Variants in POC1B observed in about 807,000 individuals in gnomAD.
The protein encoded by POC1B is POC1 centriolar protein B, also known as POC1 centriolar protein homolog B.
POC1B carries 44 observed loss-of-function variants against 60.6 expected under a neutral mutation model. That is an observed-to-expected ratio of 0.73 (90% CI 0.57 to 0.93). The LOEUF is 0.93. Ranked by LOEUF, POC1B falls within the 40% of genes least tolerant of loss-of-function variation. The pLI is 0.00. For synonymous variants in POC1B, 180 were observed against 198.9 expected (o/e 0.90, Z 0.80); for missense variants, 555 against 572.3 (o/e 0.97, Z 0.31).
intron 4 of POC1B, among the ~76,000 whole-genome samples, chr12:89,481,029 C>A (rs968649889): frequency 5.3e-5 from 8 of 151,046 alleles, no homozygotes; most frequent in African/African-American, 1.7e-4. Flanking sequence ...AGCCACCTGG[C>A]CCTAATTGTC....
In POC1B at chr12:89,509,908, C is replaced by A. The variant is rs1044001699; in HGVS notation, c.101-12566G>T. Among the ~76,000 whole-genome samples, 76 of 152,236 alleles carry A rather than the reference C, an allele frequency of 5.0e-4. 1 individual carries two copies. Among genetic ancestry groups the A allele is most frequent in the African/African-American group, 1.8e-3 (75 of 41,548 alleles). On this transcript the variant is annotated intron_variant, in intron 2 of 11. Coordinates refer to ENST00000313546, the MANE Select transcript of POC1B (RefSeq NM_172240.3). The stretch of plus-strand genomic sequence containing the variant: ...TTGCCCAGGCTGGAGTGCCGTGGGG[C>A]GATTTTGGCTCACTGCAACCTCTGC...
At chr12:89,503,287 G>GT (rs1304113371) in intron 2 of POC1B, among the ~76,000 whole-genome samples, 1 of 152,242 alleles carries the variant, frequency 6.6e-6, no homozygotes, top group Non-Finnish European at 1.5e-5. Context: ...ACTGGTTTTT[G>GT]TATTTTTTTG....
intron 4 of POC1B, among the ~76,000 whole-genome samples, chr12:89,474,491 CAT>C (rs1168217789): frequency 6.6e-6 from 1 of 152,204 alleles, no homozygotes; most frequent in Non-Finnish European, 1.5e-5. Flanking sequence ...TCCTTGAGCA[CAT>C]GTGTCCTAGA....
chr12:89,457,422 A>G (rs185514987), intron 10 of POC1B, among the ~76,000 whole-genome samples: 2 of 152,342 alleles, frequency 1.3e-5, no homozygotes, highest in East Asian at 1.9e-4. Context: ...CCCTTTGGAG[A>G]TATTCTTTTA....
At chr12:89,458,337 T>C (rs1256329331) in intron 10 of POC1B, among the ~76,000 whole-genome samples, 2 of 152,238 alleles carry the variant, frequency 1.3e-5, no homozygotes, top group South Asian at 2.1e-4. Context: ...CTGTGGCAAG[T>C]TGTAGACATC....
At chr12:89,524,838 C>T in intron 2 of POC1B, 1 of 618,404 alleles carries the variant, frequency 1.6e-6, no homozygotes, top group Non-Finnish European at 2.8e-6. Context: ...GGAGAAACCC[C>T]TCCCCTTCCC....
At chr12:89,521,559 G>T (rs747094009) in intron 2 of POC1B, 1 of 155,996 alleles carries the variant, frequency 6.4e-6, no homozygotes, top group Non-Finnish European at 1.4e-5. Context: ...AGAATATACT[G>T]TACAATCAGC....
At chr12:89,523,335 A>C (rs765050587) in intron 2 of POC1B, 1 of 1,614,044 alleles carries the variant, frequency 6.2e-7, no homozygotes, top group Middle Eastern at 1.6e-4. Flanking sequence ...TATCACCATA[A>C]GCTTCTTTTC....
At chr12:89,412,015 C>A in the POC1B span, among the ~76,000 whole-genome samples, 1 of 152,220 alleles carries the variant, frequency 6.6e-6, no homozygotes, top group African/African-American at 2.4e-5. Context: ...CCAGGCACTT[C>A]CCCTGACTTC....
chr12:89,410,573 G>A, the POC1B span, among the ~76,000 whole-genome samples: 2 of 152,012 alleles, frequency 1.3e-5, no homozygotes, highest in Non-Finnish European at 2.9e-5. Flanking sequence ...CCAGCTACTC[G>A]GGAGGCTGAG....
At chr12:89,448,261 G>A (rs1881876477) in intron 10 of POC1B, among the ~76,000 whole-genome samples, 1 of 151,980 alleles carries the variant, frequency 6.6e-6, no homozygotes, top group African/African-American at 2.4e-5. Context: ...ACAACATGGC[G>A]AGACCTCATC....
chr12:89,447,273 A>C (rs1364215485), intron 10 of POC1B, among the ~76,000 whole-genome samples: 1 of 152,170 alleles, frequency 6.6e-6, no homozygotes, highest in African/African-American at 2.4e-5. Flanking sequence ...TTCTCATGTG[A>C]TCTTTTGATA....
the POC1B span, among the ~76,000 whole-genome samples, chr12:89,407,485 G>A: frequency 2.0e-5 from 3 of 152,030 alleles, no homozygotes; most frequent in Admixed American, 6.6e-5. Context: ...TGATCCATGG[G>A]CCTCAGCCTC....
chr12:89,475,290 T>C (rs2135721979), intron 4 of POC1B, among the ~76,000 whole-genome samples: 1 of 152,112 alleles, frequency 6.6e-6, no homozygotes, highest in East Asian at 1.9e-4. Context: ...GCAAAATAAA[T>C]GAAGGGATGT....
rs146897847 is a variant in POC1B, at chr12:89,512,539, A to G, written c.100+12581T>C. Among the ~76,000 whole-genome samples the G allele has an allele frequency of 5.7e-3, 865 of 152,294 alleles. 10 individuals are homozygous for G. The highest frequency in any genetic ancestry group is 0.02 in the African/African-American group (826 of 41,560). ...TTCGAGAGGCCAAGGCAGAAGGACT[A>G]CGATAGGCTAGGAGTTCAAGACCAG... On this transcript the variant is annotated intron_variant, in intron 2 of 11. Coordinates refer to ENST00000313546, the MANE Select transcript of POC1B (RefSeq NM_172240.3).
intron 2 of POC1B, among the ~76,000 whole-genome samples, chr12:89,510,008 G>GT (rs1320102762): frequency 1.4e-5 from 1 of 73,600 alleles, no homozygotes; most frequent in East Asian, 4.7e-4. Context: ...ACCACACTCA[G>GT]TTAATTTTTT....
At position 89,420,761 on chromosome 12, in the gene POC1B, A is replaced by C. The variant is rs1880495790; in HGVS notation, c.*392T>G. ...ATTTTGGAGGTAAGTGAATTATTTCACCCCATGACTGTCTGAATATGGTCA... is the reference window on the plus strand; with the variant it reads ...ATTTTGGAGGTAAGTGAATTATTTCCCCCCATGACTGTCTGAATATGGTCA... On this transcript the variant is annotated 3_prime_UTR_variant, in exon 12 of 12. Coordinates refer to ENST00000313546, the MANE Select transcript of POC1B (RefSeq NM_172240.3). 6.2e-6 allele frequency: 1 copy of C among 161,570 alleles called. No homozygotes were observed. Among genetic ancestry groups the C allele is most frequent in the African/African-American group, 2.4e-5 (1 of 41,826 alleles). The allele number at this position is 161,570 out of a possible 1,614,324, so 10.0% of individuals were successfully genotyped here.
chr12:89,502,634 A>T (rs1869632363), intron 2 of POC1B: 4 of 1,324,280 alleles, frequency 3.0e-6, no homozygotes, highest in Non-Finnish European at 4.3e-6. Context: ...GGATCTTGTA[A>T]GGCCACAAGA....
At chr12:89,413,490 C>A in the POC1B span, among the ~76,000 whole-genome samples, 1 of 152,302 alleles carries the variant, frequency 6.6e-6, no homozygotes, top group Admixed American at 6.5e-5. Flanking sequence ...AGCTACTATG[C>A]CCAGCCTGTT....
Sources: gnomAD v4.1 joint callset for allele counts (sites outside exome capture counted in the v4.1 genomes callset) on GRCh38, gnomAD v4.1.1 for gene constraint, MANE v1.5 for transcripts, NCBI Gene and HGNC (gene_info 2026-07-23, HGNC 2026-07-21) for gene names.